Variants in ARMC6 observed in about 807,000 individuals in gnomAD.
ARMC6 encodes the protein armadillo repeat containing 6, also known as armadillo repeat-containing protein 6.
In ARMC6, 43 loss-of-function variants were observed where a neutral mutation model predicts 49.2. That is an observed-to-expected ratio of 0.87 (90% CI 0.69 to 1.13). The LOEUF is 1.13. Among genes scored for constraint, ARMC6 ranks in the 50% most tolerant of loss-of-function variants. The pLI, the probability that ARMC6 is intolerant of heterozygous loss-of-function variation, is 0.00. For synonymous variants in ARMC6, 262 were observed against 289.6 expected, an observed-to-expected ratio of 0.90 and a Z score of 0.97; for missense variants, 627 against 682.0, an observed-to-expected ratio of 0.92 and a Z score of 0.90.
At chr19:19,048,710 AT>A (rs2059471939) in intron 4 of ARMC6, among the ~76,000 whole-genome samples, 3 of 152,198 alleles carry the variant, frequency 2.0e-5, no homozygotes, top group Admixed American at 2.0e-4. Context: ...CTCTTAGTTA[AT>A]TCTCTCCTGA....
chr19:19,041,465 C>T (rs1406835643), intron 2 of ARMC6, among the ~76,000 whole-genome samples: 4 of 152,022 alleles, frequency 2.6e-5, no homozygotes, highest in African/African-American at 9.7e-5. Context: ...TCTCCTGCCT[C>T]AGCCTCCCGA....
intron 4 of ARMC6, among the ~76,000 whole-genome samples, chr19:19,046,931 T>G (rs1042802994): frequency 1.6e-4 from 23 of 148,354 alleles, no homozygotes; most frequent in Middle Eastern, 3.4e-3. Flanking sequence ...TCACCTGTTT[T>G]TTTTTTTTTT....
At chr19:19,034,739 A>G (rs1599624368) in intron 2 of ARMC6, among the ~76,000 whole-genome samples, 1 of 144,826 alleles carries the variant, frequency 6.9e-6, no homozygotes, top group East Asian at 2.0e-4. Context: ...CAGGTGCGCA[A>G]CACCGCACCT....
intron 4 of ARMC6, among the ~76,000 whole-genome samples, chr19:19,045,462 ACTT>A (rs907354138): frequency 2.1e-5 from 3 of 139,824 alleles, no homozygotes; most frequent in Non-Finnish European, 3.1e-5. Context: ...CTGCTTAAGT[ACTT>A]CTTAAGTGCT....
chr19:19,052,259 A>G, intron 5 of ARMC6, 64 bp downstream of exon 5: 3 of 1,449,416 alleles, frequency 2.1e-6, no homozygotes, highest in Non-Finnish European at 2.8e-6. Context: ...GACCAGAGTG[A>G]GGGTCAGGGC....
At chr19:19,053,493 A>C (rs964827311) in intron 5 of ARMC6, among the ~76,000 whole-genome samples, 1 of 151,496 alleles carries the variant, frequency 6.6e-6, no homozygotes, top group Non-Finnish European at 1.5e-5. Flanking sequence ...TCTCAAAAAA[A>C]TTAATAATAA....
At chr19:19,041,082 C>T (rs1292936982) in intron 2 of ARMC6, among the ~76,000 whole-genome samples, 3 of 152,146 alleles carry the variant, frequency 2.0e-5, no homozygotes, top group African/African-American at 7.2e-5. Context: ...CATCTTCCTG[C>T]CTCAGCCTCC....
At position 19,055,479 on chromosome 19, in the gene ARMC6, TC is replaced by T; in HGVS notation, c.1155+87del. The T allele has an allele frequency of 6.6e-7, 1 of 1,504,204 alleles. No individual in the cohort carries two copies. The highest frequency in any genetic ancestry group is 8.9e-7 in the Non-Finnish European group (1 of 1,124,910). 93.2% of individuals were successfully genotyped at this position (1,504,204 alleles called of 1,614,324 possible). Reference sequence around the variant, plus strand: ...TTTCTGTATCTGCATGAAGCTCTATTCCCCTGCAGGGCCAGGGCAGGGCTGG... The same window carrying T: ...TTTCTGTATCTGCATGAAGCTCTATTCCCTGCAGGGCCAGGGCAGGGCTGG... On this transcript the variant is annotated intron_variant, in intron 7 of 8. Coordinates refer to ENST00000535612, the MANE Select transcript of ARMC6 (RefSeq NM_001199196.2). This position sits in a 1 kb window ranked among gnomAD's most constrained non-coding sequence, Gnocchi z 5.7.
chr19:19,036,968 C>CT (rs1292780793), intron 2 of ARMC6, among the ~76,000 whole-genome samples: 6 of 152,026 alleles, frequency 3.9e-5, no homozygotes, highest in Non-Finnish European at 8.8e-5. Context: ...GGTGGGTCAC[C>CT]TGAGGTCAGG....
At chr19:19,046,388 G>A (rs907719989) in intron 4 of ARMC6, among the ~76,000 whole-genome samples, 11 of 151,964 alleles carry the variant, frequency 7.2e-5, no homozygotes, top group African/African-American at 2.2e-4. Flanking sequence ...TAGTAGAGAT[G>A]GGGTTTCACT....
intron 2 of ARMC6, chr19:19,039,326 G>T: frequency 2.2e-6 from 1 of 449,602 alleles, no homozygotes; most frequent in East Asian, 7.3e-5. Flanking sequence ...TTGTAGAGAC[G>T]GGGCCTTACT....
At chr19:19,037,626 A>G (rs997048802) in intron 2 of ARMC6, 2 of 1,245,012 alleles carry the variant, frequency 1.6e-6, no homozygotes, top group Non-Finnish European at 2.1e-6. Flanking sequence ...TCGGCCTCCC[A>G]AAGTGCAGGC....
Position 19,055,796 on chromosome 19 carries a change from T to C in ARMC6, c.1161T>C (p.Cys387=). 4 of 1,570,138 alleles carry C rather than the reference T, an allele frequency of 2.5e-6. No individual in the cohort carries two copies. Among genetic ancestry groups the C allele is most frequent in the Non-Finnish European group, 1.7e-6 (2 of 1,150,792 alleles). The change falls in exon 8 of 9, where the codon TGT becomes TGC. Residue 387 remains cysteine (C), a synonymous_variant. Coordinates refer to ENST00000535612, the MANE Select transcript of ARMC6 (RefSeq NM_001199196.2). This position sits in a 1 kb window ranked among gnomAD's most constrained non-coding sequence, Gnocchi z 5.7. ...TCTGTGACTGGCCCCTGCAGGTGTG[T>C]GAGCAGAGCTGCGCGGCCCTGTGCT... is the stretch of plus-strand genomic sequence containing the variant. The part of the protein sequence containing the change: ...MTQHLTSPQV[C]EQSCAALCFL...
rs567635989 is a variant in ARMC6, at chr19:19,037,163, C to T, written c.29+2925C>T. Among the ~76,000 whole-genome samples, 7 of 151,786 alleles carry T rather than the reference C, an allele frequency of 4.6e-5. No homozygotes were observed. The East Asian group carries it at 7.8e-4, about 17-fold the overall frequency. On this transcript the variant is annotated intron_variant, in intron 2 of 8. Transcript: ENST00000535612. ...TCGTGCCACTGCATTCCAACCTGGG[C>T]GACAGAGCGAGACTCTGTCTCAAAA...
rs2059433979 is a variant in ARMC6, at chr19:19,044,546, GA to G, written c.279+473del. On this transcript the variant is annotated intron_variant, in intron 4 of 8. Coordinates refer to ENST00000535612, the MANE Select transcript of ARMC6 (RefSeq NM_001199196.2). Reference sequence around the variant, plus strand: ...TCTTAGTGATGGGGAAACAGGCCAGGAGCTGGCACTTAACCTCTCCAGAGAC... The same window carrying G: ...TCTTAGTGATGGGGAAACAGGCCAGGGCTGGCACTTAACCTCTCCAGAGAC... Among the ~76,000 whole-genome samples, 3 of 152,256 alleles carry G rather than the reference GA, an allele frequency of 2.0e-5. No homozygotes were observed. In the South Asian group the frequency reaches 6.2e-4, roughly 31 times the overall value.
In ARMC6 at chr19:19,044,011, T is replaced by C. The variant is rs1200353868; in HGVS notation, c.216T>C (p.Ile72=). 2 of 1,614,026 alleles carry C rather than the reference T, an allele frequency of 1.2e-6. No homozygotes were observed. Among genetic ancestry groups the C allele is most frequent in the East Asian group, 4.5e-5 (2 of 44,862 alleles). The change falls in exon 4 of 9, where the codon ATT becomes ATC. Residue 72 remains isoleucine, a synonymous_variant. Transcript: ENST00000535612. The stretch of plus-strand genomic sequence containing the variant: ...CAACAGGGGTTGATCTGAGCAACAT[T>C]GTAAAGACGGCACCTAAAGTCTCTG... The part of the protein sequence containing the change: ...FESQGVDLSN[I]VKTAPKVSAD...
At chr19:19,042,492 G>C (rs1355779560) in intron 2 of ARMC6, among the ~76,000 whole-genome samples, 2 of 152,174 alleles carry the variant, frequency 1.3e-5, no homozygotes, top group Non-Finnish European at 2.9e-5. Flanking sequence ...GGGATTACAG[G>C]CTAAGCCATC....
At chr19:19,054,945 TC>T (rs1021275888) in intron 6 of ARMC6, among the ~76,000 whole-genome samples, 1 of 152,202 alleles carries the variant, frequency 6.6e-6, no homozygotes, top group Admixed American at 6.5e-5. Context: ...TAGCACCTCA[TC>T]CACTGTCCTC....
At position 19,055,534 on chromosome 19, in the gene ARMC6, G is replaced by A; in HGVS notation, c.1155+138G>A. On this transcript the variant is annotated intron_variant, in intron 7 of 8. Transcript: ENST00000535612. The surrounding 1 kb of genome is among the most constrained non-coding windows in gnomAD (Gnocchi z 5.7). ...GGGTCGTGGGCATTGGCTCTCAAAT[G>A]CTGACCTGCGTATGCATGACTTTGG... The A allele has an allele frequency of 2.3e-6, 3 of 1,315,504 alleles. No individual in the cohort carries two copies. Among genetic ancestry groups the A allele is most frequent in the Non-Finnish European group, 3.1e-6 (3 of 977,752 alleles). The allele number at this position is 1,315,504 out of a possible 1,614,324, so 81.5% of individuals were successfully genotyped here.
Sources: gnomAD v4.1 joint callset for allele counts (sites outside exome capture counted in the v4.1 genomes callset) on GRCh38, gnomAD v4.1.1 for gene constraint, Gnocchi (gnomAD v3.1) non-coding constraint, MANE v1.5 for transcripts, NCBI Gene and HGNC (gene_info 2026-07-23, HGNC 2026-07-21) for gene names.